Variants in AHCTF1 observed in about 807,000 individuals in gnomAD.
The protein encoded by AHCTF1 is AT-hook containing transcription factor 1.
AHCTF1 carries 24 observed loss-of-function variants against 248.4 expected under a neutral mutation model. The ratio of observed to expected loss-of-function variants is 0.10; its 90% CI spans 0.07 to 0.14. The LOEUF (loss-of-function observed/expected upper bound fraction) is 0.14. AHCTF1 is among the 10% of genes least tolerant of loss of function. AHCTF1 has a pLI of 1.00. For synonymous variants in AHCTF1, 786 were observed against 929.8 expected (o/e 0.85, Z 2.81); for missense variants, 2,206 against 2,636.2 (o/e 0.84, Z 3.57).
intron 8 of AHCTF1, among the ~76,000 whole-genome samples, chr1:246,902,229 A>T (rs530768062): frequency 6.6e-6 from 1 of 152,332 alleles, no homozygotes; most frequent in South Asian, 2.1e-4. Context: ...CTCAAAAAAT[A>T]CACGGGTAAA....
chr1:246,857,623 T>G, intron 30 of AHCTF1, 68 bp downstream of exon 30: 1 of 1,491,876 alleles, frequency 6.7e-7, no homozygotes, highest in African/African-American at 1.4e-5. Flanking sequence ...ACAGAATATT[T>G]TACTTCTGGT....
intron 19 of AHCTF1, 39 bp from the exon 20 acceptor site, chr1:246,887,396 C>T (rs376278917): frequency 6.4e-7 from 1 of 1,558,714 alleles, no homozygotes; most frequent in Non-Finnish European, 8.7e-7. Context: ...AATACAACAA[C>T]AAAAACCTCC....
Position 246,896,713 on chromosome 1 carries a change from G to C in AHCTF1, c.1624-788C>G, listed in dbSNP as rs369881206. On this transcript the variant is annotated intron_variant, in intron 12 of 35. Coordinates refer to ENST00000648844, the MANE Select transcript of AHCTF1 (RefSeq NM_001323342.2). Reference sequence around the variant, plus strand: ...TACACTTGAAATATCTGAACTGCACGGTGTATGAAATATCTCAATAAAGCT... The same window carrying C: ...TACACTTGAAATATCTGAACTGCACCGTGTATGAAATATCTCAATAAAGCT... Among the ~76,000 whole-genome samples, 4 of 152,136 alleles carry C rather than the reference G, an allele frequency of 2.6e-5. No individual in the cohort carries two copies. The South Asian group carries it at 6.2e-4, about 24-fold the overall frequency.
intron 2 of AHCTF1, among the ~76,000 whole-genome samples, 198 bp downstream of exon 2, chr1:246,918,052 A>AC (rs1331922573): frequency 1.3e-5 from 2 of 151,852 alleles, no homozygotes; most frequent in South Asian, 2.1e-4. Flanking sequence ...ATTAACTATA[A>AC]CCCCCCCAAT....
At chr1:246,862,778 AGACT>A (rs975822106) in intron 27 of AHCTF1, among the ~76,000 whole-genome samples, 6 of 152,240 alleles carry the variant, frequency 3.9e-5, no homozygotes, top group East Asian at 1.9e-4. Flanking sequence ...AACTACAGTA[AGACT>A]GACTGTAGTG....
At chr1:246,917,733 T>A (rs1666244874) in intron 2 of AHCTF1, among the ~76,000 whole-genome samples, 1 of 152,238 alleles carries the variant, frequency 6.6e-6, no homozygotes, top group African/African-American at 2.4e-5. Context: ...TCTTCTGCAA[T>A]ATCTTTCATT....
At chr1:246,912,378 G>C (rs148341363) in intron 4 of AHCTF1, among the ~76,000 whole-genome samples, 2,625 of 151,524 alleles carry the variant, frequency 0.017, 78 homozygotes, top group African/African-American at 0.06. Context: ...AGCTACTCAG[G>C]AGGCTGAGGC....
intron 21 of AHCTF1, among the ~76,000 whole-genome samples, chr1:246,879,513 G>A (rs988181967): frequency 6.6e-6 from 1 of 152,146 alleles, no homozygotes; most frequent in Non-Finnish European, 1.5e-5. Context: ...CAACCTAAAT[G>A]TTCATTACAG....
At chr1:246,863,896 T>C in intron 27 of AHCTF1, 28 bp downstream of exon 27, 1 of 1,605,224 alleles carries the variant, frequency 6.2e-7, no homozygotes, top group Non-Finnish European at 8.5e-7. Context: ...CTAGTTTGAT[T>C]GTGAACGCTA....
At chr1:246,896,563 C>T (rs1443850670) in intron 12 of AHCTF1, among the ~76,000 whole-genome samples, 1 of 151,968 alleles carries the variant, frequency 6.6e-6, no homozygotes, top group Admixed American at 6.6e-5. Context: ...ATGGGGCAGG[C>T]AGGAAGGTAA....
chr1:246,867,900 CCCA>C lies in AHCTF1; in HGVS notation c.3089-92_3089-90del, dbSNP rs1346620240. On this transcript the variant is annotated intron_variant, in intron 24 of 35. Coordinates refer to ENST00000648844, the MANE Select transcript of AHCTF1 (RefSeq NM_001323342.2). ...ATGAAAGAATGATTACACCCCCCCC[CCCA>C]CACACACACACACACACATTACGTG... 9.0e-4 allele frequency: 477 copies of C among 531,794 alleles called. 1 individual carries two copies. The highest frequency in any genetic ancestry group is 2.0e-3 in the East Asian group (43 of 21,354). 32.9% of individuals were successfully genotyped at this position (531,794 alleles called of 1,614,324 possible). A position where few individuals can be genotyped will look rare whatever the true frequency, so the allele number is the denominator to read the frequency against.
At chr1:246,863,866 A>G in intron 27 of AHCTF1, 58 bp downstream of exon 27, 1 of 1,539,094 alleles carries the variant, frequency 6.5e-7, no homozygotes, top group Non-Finnish European at 8.9e-7. Context: ...TCTCCTTGCT[A>G]CTTGAAAAGT....
intron 12 of AHCTF1, among the ~76,000 whole-genome samples, 183 bp downstream of exon 12, chr1:246,898,024 GC>G (rs1664717461): frequency 6.6e-6 from 1 of 152,128 alleles, no homozygotes; most frequent in African/African-American, 2.4e-5. Context: ...CCAAGTTATG[GC>G]CTATTGGGTA....
chr1:246,873,101 T>C (rs147351671), intron 24 of AHCTF1, among the ~76,000 whole-genome samples: 86 of 152,308 alleles, frequency 5.6e-4, no homozygotes, highest in African/African-American at 1.9e-3. Flanking sequence ...GTTCGACTTA[T>C]TCCTATAAGC....
intron 32 of AHCTF1, 26 bp downstream of exon 32, chr1:246,853,062 TAAA>T (rs1363465849): frequency 8.4e-6 from 13 of 1,555,390 alleles, no homozygotes; most frequent in Non-Finnish European, 1.1e-5. Flanking sequence ...GAAAGACTGA[TAAA>T]GAAGTAAAAA....
chr1:246,902,952 A>C (rs1437081586), intron 7 of AHCTF1, among the ~76,000 whole-genome samples: 1 of 152,176 alleles, frequency 6.6e-6, no homozygotes, highest in African/African-American at 2.4e-5. Flanking sequence ...AACTGGAATA[A>C]CCATCAAAAT....
intron 21 of AHCTF1, among the ~76,000 whole-genome samples, chr1:246,878,275 T>C (rs548390189): frequency 6.6e-6 from 1 of 151,734 alleles, no homozygotes; most frequent in East Asian, 1.9e-4. Context: ...TGTGTGCCTG[T>C]AGTCCCAGCT....
intron 11 of AHCTF1, among the ~76,000 whole-genome samples, chr1:246,898,979 T>C (rs973679618): frequency 2.0e-5 from 3 of 152,082 alleles, no homozygotes; most frequent in Non-Finnish European, 4.4e-5. Flanking sequence ...ATCCTAGCTA[T>C]TCAGGTGGCG....
chr1:246,929,660 C>G (rs1237277277), intron 1 of AHCTF1, among the ~76,000 whole-genome samples: 1 of 152,178 alleles, frequency 6.6e-6, no homozygotes, highest in African/African-American at 2.4e-5. Flanking sequence ...GACCTTTGAG[C>G]TAACCGAGGG....
Sources: allele counts gnomAD v4.1 joint callset (sites outside exome capture counted in the v4.1 genomes callset), GRCh38; gene constraint gnomAD v4.1.1; transcripts MANE v1.5; gene names NCBI Gene and HGNC (gene_info 2026-07-23, HGNC 2026-07-21).